The following CFAP97 variants were observed in gnomAD, a reference collection of about 807,000 sequenced individuals.
CFAP97 encodes cilia and flagella associated protein 97, also known as cilia- and flagella-associated protein 97.
A neutral mutation model predicts 43.1 loss-of-function variants in CFAP97; 36 were observed. The ratio of observed to expected loss-of-function variants is 0.84; its 90% CI spans 0.64 to 1.10. CFAP97 has a LOEUF of 1.10. Among genes scored for constraint, CFAP97 ranks in the 50% least tolerant of loss-of-function variants. The pLI, the probability that CFAP97 is intolerant of heterozygous loss-of-function variation, is 0.00. For missense variants in CFAP97, 657 were observed against 620.3 expected (o/e 1.06, Z -0.63); for synonymous variants, 228 against 225.7 (o/e 1.01, Z -0.09).
rs763548233 is a variant in CFAP97 at position 185,190,160 on chromosome 4, A to G, written c.1037T>C (p.Leu346Pro). 1.3e-6 allele frequency: 2 copies of G among 1,566,574 alleles called. No individual in the cohort carries two copies. Among genetic ancestry groups the G allele is most frequent in the Admixed American group, 2.0e-5 (1 of 50,104 alleles). ...KQKVLHDTMD[L>P]NHLLKAFLQL... ...AAAATTACCTTTCAAGAGATGATTCAGATCCATTGTGTCATGTAAGACTTT... is the reference window on the plus strand; with the variant it reads ...AAAATTACCTTTCAAGAGATGATTCGGATCCATTGTGTCATGTAAGACTTT... The change falls in exon 2 of 5, where the codon CTG becomes CCG. Residue 346 changes from leucine to proline, a missense_variant. Physicochemically the swap from Leu to Pro is moderately conservative, Grantham distance 98 (BLOSUM62 -3). Coordinates refer to ENST00000458385, the MANE Select transcript of CFAP97 (RefSeq NM_020827.3).
chr4:185,185,967 A>G (rs562126558), intron 2 of CFAP97, among the ~76,000 whole-genome samples: 105 of 152,292 alleles, frequency 6.9e-4, no homozygotes, highest in African/African-American at 2.5e-3. Flanking sequence ...CAGTGAAACA[A>G]TATTTTCCAA....
chr4:185,190,456 C>T lies in CFAP97; in HGVS notation c.741G>A (p.Glu247=). 6.2e-7 allele frequency: 1 copy of T among 1,613,896 alleles called. No individual in the cohort carries two copies. Among genetic ancestry groups the T allele is most frequent in the Non-Finnish European group, 8.5e-7 (1 of 1,179,868 alleles). Residue 247 remains glutamate, a synonymous_variant, in exon 2 of 5, where the codon GAG becomes GAA. Transcript: ENST00000458385. ...TTACGTCAGTCACAGTATCTTCAGA[C>T]TCCTCAGGGTAGTGGCCACATTTTG... ...TTPKCGHYPE[E]SEDTVTDVSP... is the part of the protein sequence containing the mutation.
Position 185,190,471 on chromosome 4 carries a change from G to C in CFAP97, c.726C>G (p.Gly242=). Residue 242 remains glycine, a synonymous_variant, in exon 2 of 5, where the codon GGC becomes GGG. Coordinates refer to ENST00000458385, the MANE Select transcript of CFAP97 (RefSeq NM_020827.3). ...TATCTTCAGACTCCTCAGGGTAGTG[G>C]CCACATTTTGGTGTAGTACTTGAAG... The part of the protein sequence containing the change: ...TQPSSTTPKC[G]HYPEESEDTV... The C allele has an allele frequency of 6.2e-7, 1 of 1,613,926 alleles. No individual in the cohort carries two copies. Among genetic ancestry groups the C allele is most frequent in the African/African-American group, 1.3e-5 (1 of 75,026 alleles).
At chr4:185,177,378 A>G (rs923551204) in intron 2 of CFAP97, among the ~76,000 whole-genome samples, 1 of 150,592 alleles carries the variant, frequency 6.6e-6, no homozygotes, top group African/African-American at 2.4e-5. Flanking sequence ...GCGCCATTGC[A>G]CTCCAGCCTG....
At chr4:185,162,950 T>C (rs895156591) in intron 4 of CFAP97, 25 bp from the exon 5 acceptor site, 17 of 1,510,888 alleles carry the variant, frequency 1.1e-5, no homozygotes, top group African/African-American at 4.2e-5. Context: ...AGAAGAAATA[T>C]CTGAGAAACT....
chr4:185,192,793 T>A (rs1454168199), intron 1 of CFAP97, among the ~76,000 whole-genome samples: 1 of 131,946 alleles, frequency 7.6e-6, no homozygotes, highest in African/African-American at 2.9e-5. Context: ...CAGGCTGGAG[T>A]GCAGTGGTGC....
chr4:185,191,847 C>T (rs1336760948), intron 1 of CFAP97, among the ~76,000 whole-genome samples: 1 of 151,720 alleles, frequency 6.6e-6, no homozygotes, highest in Non-Finnish European at 1.5e-5. Context: ...CAAACAAAAA[C>T]AAAAACAAAA....
At position 185,190,406 on chromosome 4, in the gene CFAP97, C is replaced by G. The variant is rs1468404449; in HGVS notation, c.791G>C (p.Ser264Thr). Residue 264 changes from serine (S) to threonine (T), a missense_variant, in exon 2 of 5, where the codon AGC (serine) becomes ACC (threonine). By Grantham distance (58) the Ser-to-Thr change is moderately conservative. Coordinates refer to ENST00000458385, the MANE Select transcript of CFAP97 (RefSeq NM_020827.3). ...GCCCAGTTCAAAAGACTGAAGAGGG[C>G]TAATGTCTGGAGTTGATAAGGGACT... ...DVSPLSTPDISPLQSFELGIA... is the reference protein window; with the variant it reads ...DVSPLSTPDITPLQSFELGIA... The G allele has an allele frequency of 5.6e-6, 9 of 1,613,022 alleles. No homozygotes were observed. Among genetic ancestry groups the G allele is most frequent in the Non-Finnish European group, 7.6e-6 (9 of 1,179,366 alleles).
At chr4:185,182,185 T>G (rs1735817402) in intron 2 of CFAP97, 1 of 151,998 alleles carries the variant, frequency 6.6e-6, no homozygotes, top group South Asian at 2.1e-4. Flanking sequence ...TACCTTTAAA[T>G]CTAGTGTGGT....
upstream of CFAP97, among the ~76,000 whole-genome samples, chr4:185,208,315 C>A (rs1737285806): frequency 6.6e-6 from 1 of 151,954 alleles, no homozygotes; most frequent in Non-Finnish European, 1.5e-5. Flanking sequence ...CGTGCCCGCC[C>A]CTATTTTCTT....
rs1311774194 is a variant in CFAP97, at chr4:185,160,455, CCTT to C, written c.*2340_*2342del. The C allele has an allele frequency of 2.0e-5, 3 of 152,096 alleles. No homozygotes were observed. The highest frequency in any genetic ancestry group is 7.2e-5 in the African/African-American group (3 of 41,520). 9.4% of individuals were successfully genotyped at this position (152,096 alleles called of 1,614,324 possible). On this transcript the variant is annotated 3_prime_UTR_variant, in exon 5 of 5. Transcript: ENST00000458385. ...AGAAGAGTAATGTACTTAAGTAATT[CCTT>C]CTTAAGAATGTCCCTTAAACTATAA... is the stretch of plus-strand genomic sequence containing the variant.
chr4:185,205,148 C>T (rs1737130844), upstream of CFAP97, among the ~76,000 whole-genome samples: 1 of 152,222 alleles, frequency 6.6e-6, no homozygotes, highest in African/African-American at 2.4e-5. Context: ...AATCAATTCT[C>T]TTTTTGTTGC....
intron 2 of CFAP97, among the ~76,000 whole-genome samples, chr4:185,188,069 G>T (rs1247408536): frequency 6.6e-6 from 1 of 151,674 alleles, no homozygotes; most frequent in East Asian, 2.0e-4. Flanking sequence ...GCTAATTTTT[G>T]TATTTTTAGT....
rs535093009 is a variant in CFAP97 at position 185,173,522 on chromosome 4, C to T, written c.1320+2264G>A. On this transcript the variant is annotated intron_variant, in intron 3 of 4. Transcript: ENST00000458385. ...TTCACTTCAGTATTATTCACTATAG[C>T]TTAGGTCTACACCTACAATGGAATA... 2.2e-4 allele frequency among the ~76,000 whole-genome samples: 34 copies of T among 152,220 alleles called. No individual in the cohort carries two copies. The East Asian group carries it at 5.6e-3, about 25-fold the overall frequency.
intron 3 of CFAP97, among the ~76,000 whole-genome samples, chr4:185,165,172 GCA>G (rs1735018491): frequency 6.6e-6 from 1 of 152,186 alleles, no homozygotes. Context: ...TGTAGCCTGG[GCA>G]CAGTGGCTCA....
In CFAP97 at chr4:185,160,410, T is replaced by C. The variant is rs950729691; in HGVS notation, c.*2388A>G. 11 of 116,546 alleles carry C rather than the reference T, an allele frequency of 9.4e-5. No individual in the cohort carries two copies. Among genetic ancestry groups the C allele is most frequent in the Admixed American group, 7.5e-4 (9 of 12,016 alleles). 7.2% of individuals were successfully genotyped at this position (116,546 alleles called of 1,614,324 possible). A position where few individuals can be genotyped will look rare whatever the true frequency, so the allele number is the denominator to read the frequency against. On this transcript the variant is annotated 3_prime_UTR_variant, in exon 5 of 5. Transcript: ENST00000458385. ...AAAATAGTGCCAGACCATCCTTTAC[T>C]TTTTCATGTCCTTGAAATGAGAAGA...
At chr4:185,200,332 A>C (rs1256642351) in intron 1 of CFAP97, among the ~76,000 whole-genome samples, 1 of 152,146 alleles carries the variant, frequency 6.6e-6, no homozygotes, top group East Asian at 1.9e-4. Context: ...CCCGTCTCTT[A>C]AAAGAAAAAA....
chr4:185,198,574 C>T (rs1736667520), intron 1 of CFAP97, among the ~76,000 whole-genome samples: 1 of 151,310 alleles, frequency 6.6e-6, no homozygotes, highest in African/African-American at 2.4e-5. Flanking sequence ...CAGATCACCT[C>T]AGGTCAGGAG....
intron 3 of CFAP97, among the ~76,000 whole-genome samples, chr4:185,174,789 T>C (rs1189097231): frequency 2.0e-5 from 3 of 152,278 alleles, no homozygotes; most frequent in South Asian, 4.1e-4. Flanking sequence ...CTTCAGAGAA[T>C]TGTTGTCAGG....
Sources: allele counts gnomAD v4.1 joint callset (sites outside exome capture counted in the v4.1 genomes callset), GRCh38; gene constraint gnomAD v4.1.1; transcripts MANE v1.5; gene names NCBI Gene and HGNC (gene_info 2026-07-23, HGNC 2026-07-21).